Variants in SULT4A1 observed in about 807,000 individuals in gnomAD.
SULT4A1 encodes sulfotransferase family 4A member 1.
Under a neutral mutation model 35.2 loss-of-function variants are expected in SULT4A1, and 11 were observed. The ratio of observed to expected loss-of-function variants is 0.31; its 90% CI spans 0.20 to 0.52. The LOEUF (loss-of-function observed/expected upper bound fraction) is 0.52, where lower values mean the gene tolerates loss of function less well. SULT4A1 is among the 20% of genes least tolerant of loss of function. The pLI is 0.97. For synonymous variants in SULT4A1, 152 were observed against 151.8 expected (o/e 1.00, Z -0.01); for missense variants, 271 against 383.7 (o/e 0.71, Z 2.45).
At chr22:43,843,336 C>T (rs1200262339) in intron 1 of SULT4A1, among the ~76,000 whole-genome samples, 2 of 152,226 alleles carry the variant, frequency 1.3e-5, no homozygotes, top group South Asian at 2.1e-4. Flanking sequence ...GTGAGAGGAT[C>T]GCTTGAACCC....
intron 5 of SULT4A1, among the ~76,000 whole-genome samples, chr22:43,829,776 CT>C (rs2063312823): frequency 6.6e-6 from 1 of 152,208 alleles, no homozygotes; most frequent in Non-Finnish European, 1.5e-5. Flanking sequence ...CCCCCCACCC[CT>C]GCCACTTTCT....
chr22:43,838,820 C>T, intron 4 of SULT4A1, 47 bp downstream of exon 4: 2 of 1,610,560 alleles, frequency 1.2e-6, no homozygotes, highest in Non-Finnish European at 1.7e-6. Context: ...CCGTCCACGA[C>T]AACAGACGGC....
At chr22:43,858,449 T>C (rs1168078905) in intron 1 of SULT4A1, among the ~76,000 whole-genome samples, 2 of 151,856 alleles carry the variant, frequency 1.3e-5, no homozygotes, top group Non-Finnish European at 2.9e-5. Flanking sequence ...CTCCTGAGTA[T>C]GTGTAACAGC....
chr22:43,842,581 C>G (rs1000368215), intron 1 of SULT4A1, among the ~76,000 whole-genome samples: 1 of 152,146 alleles, frequency 6.6e-6, no homozygotes, highest in Non-Finnish European at 1.5e-5. Flanking sequence ...CCAAGCCCCA[C>G]AGATAGGATG....
chr22:43,852,526 C>A (rs2049353023), intron 1 of SULT4A1, among the ~76,000 whole-genome samples: 1 of 152,074 alleles, frequency 6.6e-6, no homozygotes, highest in Non-Finnish European at 1.5e-5. Context: ...GGCAACAGCC[C>A]AGGACCTGGG....
chr22:43,860,369 A>C (rs887684106), intron 1 of SULT4A1, among the ~76,000 whole-genome samples: 1 of 152,158 alleles, frequency 6.6e-6, no homozygotes, highest in Admixed American at 6.5e-5. Context: ...TGGGCACAAC[A>C]GGTGTTCAGG....
chr22:43,834,370 G>T (rs549966018), intron 4 of SULT4A1, among the ~76,000 whole-genome samples: 3,059 of 63,268 alleles, frequency 0.048, 62 homozygotes, highest in African/African-American at 0.082. Flanking sequence ...CCCCACCGCG[G>T]CCCTGAGCTT....
chr22:43,843,258 T>C (rs2063448458), intron 1 of SULT4A1, among the ~76,000 whole-genome samples: 1 of 151,754 alleles, frequency 6.6e-6, no homozygotes, highest in African/African-American at 2.4e-5. Context: ...CTACAAAAAA[T>C]AAAAAATAAA....
Position 43,862,427 on chromosome 22 carries a change from C to T in SULT4A1, c.-45G>A, listed in dbSNP as rs760143783. The T allele has an allele frequency of 4.1e-5, 38 of 934,250 alleles. No individual in the cohort carries two copies. Among genetic ancestry groups the T allele is most frequent in the Non-Finnish European group, 4.7e-5 (38 of 806,706 alleles). The allele number at this position is 934,250 out of a possible 1,614,324, so 57.9% of individuals were successfully genotyped here. ...CCGCCGCCGCCTCCCGGCTCGCAGCCCGCACGCGCCCGCGCCCGCGCCCGC... is the reference window on the plus strand; with the variant it reads ...CCGCCGCCGCCTCCCGGCTCGCAGCTCGCACGCGCCCGCGCCCGCGCCCGC... On this transcript the variant is annotated 5_prime_UTR_variant, in exon 1 of 7. Coordinates refer to ENST00000330884, the MANE Select transcript of SULT4A1 (RefSeq NM_014351.4).
At chr22:43,835,569 A>G (rs2063364246) in intron 4 of SULT4A1, among the ~76,000 whole-genome samples, 1 of 152,190 alleles carries the variant, frequency 6.6e-6, no homozygotes, top group African/African-American at 2.4e-5. Context: ...AGACTTGCCC[A>G]AGTCACCAAC....
chr22:43,842,912 T>C (rs1262126037), intron 1 of SULT4A1, among the ~76,000 whole-genome samples: 1 of 151,932 alleles, frequency 6.6e-6, no homozygotes, highest in Non-Finnish European at 1.5e-5. Flanking sequence ...CCAGCCCTTA[T>C]TACAGTCTTT....
intron 1 of SULT4A1, among the ~76,000 whole-genome samples, chr22:43,860,508 C>T (rs970574134): frequency 9.9e-5 from 15 of 152,188 alleles, no homozygotes; most frequent in Non-Finnish European, 1.5e-4. Context: ...CTTCTCCCTC[C>T]GCAGAGACCA....
chr22:43,842,975 A>ATCTCTC (rs695712), intron 1 of SULT4A1, among the ~76,000 whole-genome samples: 25,990 of 144,360 alleles, frequency 0.18, 2,657 homozygotes, highest in Non-Finnish European at 0.24. Context: ...AGTAAACAGC[A>ATCTCTC]TCTCTCTCTC....
rs1050590594 is a variant in SULT4A1, at chr22:43,841,941, G to A, written c.170-9C>T. The A allele has an allele frequency of 6.2e-6, 10 of 1,611,984 alleles. No individual in the cohort carries two copies. The highest frequency in any genetic ancestry group is 2.7e-5 in the African/African-American group (2 of 74,922). Reference sequence around the variant, plus strand: ...CTGCAGCAAGCTGGTGCCTGGAGGGGAGAAGCCCCAGCGCGGGGTGCTCAG... The same window carrying A: ...CTGCAGCAAGCTGGTGCCTGGAGGGAAGAAGCCCCAGCGCGGGGTGCTCAG... On this transcript the variant is annotated splice_polypyrimidine_tract_variant and intron_variant, in intron 1 of 6. Coordinates refer to ENST00000330884, the MANE Select transcript of SULT4A1 (RefSeq NM_014351.4).
chr22:43,843,143 A>C (rs1308634225), intron 1 of SULT4A1, among the ~76,000 whole-genome samples: 1 of 152,176 alleles, frequency 6.6e-6, no homozygotes. Context: ...GGCTGGGCAC[A>C]GTTACTCATG....
chr22:43,837,396 T>A (rs2063385808), intron 4 of SULT4A1, among the ~76,000 whole-genome samples: 1 of 152,102 alleles, frequency 6.6e-6, no homozygotes, highest in Non-Finnish European at 1.5e-5. Context: ...GTGGGTGTTG[T>A]CCCCATGCTC....
intron 6 of SULT4A1, chr22:43,828,859 C>T: frequency 2.0e-6 from 1 of 509,648 alleles, no homozygotes; most frequent in South Asian, 3.8e-5. Flanking sequence ...CACCAGCGGG[C>T]AGGGTACTCC....
At chr22:43,827,333 A>G in intron 6 of SULT4A1, 1 of 985,482 alleles carries the variant, frequency 1.0e-6, no homozygotes, top group Non-Finnish European at 1.2e-6. Flanking sequence ...CGTAACACGG[A>G]CTTTCTCTTT....
At position 43,828,097 on chromosome 22, in the gene SULT4A1, C is replaced by T. The variant is rs146615317; in HGVS notation, c.742+963G>A. Among the ~76,000 whole-genome samples, 18 of 152,350 alleles carry T rather than the reference C, an allele frequency of 1.2e-4. 1 individual carries two copies. In the East Asian group the frequency reaches 3.3e-3, roughly 28 times the overall value. ...GTTGCGTTCCCAGAGGGCAGCAGAG[C>T]TGAGCTGGAGCCCAGCGCGTCTCTC... On this transcript the variant is annotated intron_variant, in intron 6 of 6. Transcript: ENST00000330884.
Sources: gnomAD v4.1 joint callset for allele counts (sites outside exome capture counted in the v4.1 genomes callset) on GRCh38, gnomAD v4.1.1 for gene constraint, MANE v1.5 for transcripts, NCBI Gene and HGNC (gene_info 2026-07-23, HGNC 2026-07-21) for gene names.